SH3BP5L: variants seen among roughly 807,000 people sequenced by gnomAD.
The protein encoded by SH3BP5L is SH3 binding domain protein 5 like, also known as SH3 domain-binding protein 5-like.
In SH3BP5L, 16 loss-of-function variants were observed where a neutral mutation model predicts 40.9. The observed-to-expected ratio is 0.39, with a 90% CI of 0.27 to 0.59. The LOEUF is 0.59. SH3BP5L is among the 20% of genes least tolerant of loss of function. The pLI is 0.53. For synonymous variants in SH3BP5L, 229 were observed against 226.7 expected (o/e 1.01, Z -0.09); for missense variants, 471 against 544.6 (o/e 0.86, Z 1.35).
At chr1:248,814,902 A>G in intron 4 of SH3BP5L, 1 of 500,316 alleles carries the variant, frequency 2.0e-6, no homozygotes, top group Non-Finnish European at 3.8e-6. Flanking sequence ...GGAAAACACA[A>G]ACCATTTTAG....
intron 2 of SH3BP5L, among the ~76,000 whole-genome samples, chr1:248,823,309 G>A (rs1194170520): frequency 6.6e-6 from 1 of 152,220 alleles, no homozygotes. Context: ...GTTTGAGAAA[G>A]AACTGTAGAC....
intron 5 of SH3BP5L, chr1:248,814,122 A>C (rs1376440800): frequency 6.5e-6 from 2 of 305,408 alleles, no homozygotes; most frequent in Non-Finnish European, 1.2e-5. Flanking sequence ...TGAAAACAGA[A>C]GCGAGGAGTC....
intron 4 of SH3BP5L, among the ~76,000 whole-genome samples, chr1:248,815,112 A>G (rs1664068522): frequency 6.6e-6 from 1 of 152,188 alleles, no homozygotes; most frequent in Non-Finnish European, 1.5e-5. Flanking sequence ...ATAATAGTAC[A>G]TCTAATATAA....
rs911329129 is a variant in SH3BP5L at position 248,811,213 on chromosome 1, T to G, written c.*687A>C. ...ATGCTCCCTATGTTGACAGTGGGGT[T>G]GGGTTTCTCTCCCTGACACCAGCTT... is the stretch of plus-strand genomic sequence containing the variant. On this transcript the variant is annotated 3_prime_UTR_variant, in exon 7 of 7. Coordinates refer to ENST00000366472, the MANE Select transcript of SH3BP5L (RefSeq NM_030645.3). 10 of 152,362 alleles carry G rather than the reference T, an allele frequency of 6.6e-5. No individual in the cohort carries two copies. The highest frequency in any genetic ancestry group is 1.3e-4 in the Non-Finnish European group (9 of 68,158). 9.4% of individuals were successfully genotyped at this position (152,362 alleles called of 1,614,324 possible). A position where few individuals can be genotyped will look rare whatever the true frequency, so the allele number is the denominator to read the frequency against.
intron 2 of SH3BP5L, among the ~76,000 whole-genome samples, chr1:248,823,440 G>T (rs1664301906): frequency 6.6e-6 from 1 of 150,766 alleles, no homozygotes; most frequent in Non-Finnish European, 1.5e-5. Flanking sequence ...ATAAATCATG[G>T]GGTTGGAGGT....
In SH3BP5L at chr1:248,816,565, G is replaced by C; in HGVS notation, c.344C>G (p.Pro115Arg). 6.2e-7 allele frequency: 1 copy of C among 1,614,154 alleles called. No individual in the cohort carries two copies. The highest frequency in any genetic ancestry group is 8.5e-7 in the Non-Finnish European group (1 of 1,180,032). ...AGCCAGCCGCCGAGCCTCATAGTAG[G>C]GCCGGGCTTTCTCGATGCAGCTCCC... ...HLGSCIEKAR[P>R]YYEARRLAKE... Residue 115 changes from proline to arginine, a missense_variant, in exon 4 of 7, where the codon CCC becomes CGC. Physicochemically the swap from Pro to Arg is moderately radical, Grantham distance 103. Transcript: ENST00000366472.
rs550227503 is a variant in SH3BP5L, at chr1:248,811,747, A to G, written c.*153T>C. ...AGGCTGTGAGAACGCCAGGGCAGGC[A>G]CAGAGGACTCGAACACAGCTGGCCT... On this transcript the variant is annotated 3_prime_UTR_variant, in exon 7 of 7. Coordinates refer to ENST00000366472, the MANE Select transcript of SH3BP5L (RefSeq NM_030645.3). 1.2e-4 allele frequency: 75 copies of G among 620,104 alleles called. 1 individual carries two copies. In the South Asian group the frequency reaches 1.5e-3, roughly 12 times the overall value. The allele number at this position is 620,104 out of a possible 1,614,324, so 38.4% of individuals were successfully genotyped here. A position where few individuals can be genotyped will look rare whatever the true frequency, so the allele number is the denominator to read the frequency against.
In SH3BP5L at chr1:248,825,156, T is replaced by G. The variant is rs1664344807; in HGVS notation, c.-221A>C. 7.6e-7 allele frequency: 1 copy of G among 1,323,684 alleles called. No individual in the cohort carries two copies. Among genetic ancestry groups the G allele is most frequent in the African/African-American group, 1.5e-5 (1 of 66,774 alleles). 82.0% of individuals were successfully genotyped at this position (1,323,684 alleles called of 1,614,324 possible). A position where few individuals can be genotyped will look rare whatever the true frequency, so the allele number is the denominator to read the frequency against. ...AGCTGAAGCCTTGTCTGTGCAAAAG[T>G]TCTTCCCTTCCCGCCACAGGGAGTC... On this transcript the variant is annotated 5_prime_UTR_variant, in exon 2 of 7. Transcript: ENST00000366472.
Position 248,821,579 on chromosome 1 carries a change from G to A in SH3BP5L, c.183+3174C>T, listed in dbSNP as rs565376225. Among the ~76,000 whole-genome samples, 1 of 152,070 alleles carries A rather than the reference G, an allele frequency of 6.6e-6. No individual in the cohort carries two copies. Among genetic ancestry groups the A allele is most frequent in the African/African-American group, 2.4e-5 (1 of 41,400 alleles). On this transcript the variant is annotated intron_variant, in intron 2 of 6. Transcript: ENST00000366472. This position sits in a 1 kb window ranked among gnomAD's most constrained non-coding sequence, Gnocchi z 4.6. ...AGTTTGGAAAGGAGCAGGTAAACGA[G>A]AGCACTCACATCTGAGGAAAGAATG...
intron 4 of SH3BP5L, 81 bp downstream of exon 4, chr1:248,816,453 C>T (rs1664107161): frequency 6.3e-7 from 1 of 1,579,086 alleles, no homozygotes; most frequent in Non-Finnish European, 8.6e-7. Context: ...GGTGTTTTGT[C>T]TCTCACTCCA....
chr1:248,820,925 C>T (rs913297960), intron 2 of SH3BP5L: 15 of 152,194 alleles, frequency 9.9e-5, no homozygotes, highest in African/African-American at 3.6e-4. Flanking sequence ...GTTAAAAGGA[C>T]AAGAAGAGCT....
At position 248,821,576 on chromosome 1, in the gene SH3BP5L, C is replaced by G. The variant is rs12405503; in HGVS notation, c.183+3177G>C. ...GAGAGTTTGGAAAGGAGCAGGTAAA[C>G]GAGAGCACTCACATCTGAGGAAAGA... On this transcript the variant is annotated intron_variant, in intron 2 of 6. Coordinates refer to ENST00000366472, the MANE Select transcript of SH3BP5L (RefSeq NM_030645.3). This position sits in a 1 kb window ranked among gnomAD's most constrained non-coding sequence, Gnocchi z 4.6. Among the ~76,000 whole-genome samples the G allele has an allele frequency of 0.099, 15,073 of 152,046 alleles. 1,384 individuals are homozygous for G. The highest frequency in any genetic ancestry group is 0.22 in the African/African-American group (9,264 of 41,424).
chr1:248,812,994 G>A lies in SH3BP5L; in HGVS notation c.706C>T (p.Leu236=), dbSNP rs769283474. The change falls in exon 6 of 7, where the codon CTG becomes TTG. Residue 236 remains leucine (L), a synonymous_variant. Transcript: ENST00000366472. The surrounding 1 kb of genome is among the most constrained non-coding windows in gnomAD (Gnocchi z 6.1). ...FELKAQFSQI[L]EEHKAKVTEL... is the part of the protein sequence containing the mutation. The stretch of plus-strand genomic sequence containing the variant: ...CCCCTCACCCACTCAGCTACCTCCA[G>A]GATCTGGCTGAACTGGGCCTTGAGC... 1.9e-6 allele frequency: 3 copies of A among 1,584,130 alleles called. No homozygotes were observed. In the African/African-American group the frequency reaches 4.0e-5, roughly 21 times the overall value.
intron 2 of SH3BP5L, 158 bp from the exon 3 acceptor site, chr1:248,817,042 G>A: frequency 6.5e-7 from 1 of 1,540,606 alleles, no homozygotes; most frequent in South Asian, 1.2e-5. Context: ...ATTGCCAAAA[G>A]CTTTCTTGTC....
At chr1:248,817,869 A>G (rs1268523307) in intron 2 of SH3BP5L, among the ~76,000 whole-genome samples, 3 of 152,280 alleles carry the variant, frequency 2.0e-5, no homozygotes, top group African/African-American at 7.2e-5. Flanking sequence ...ATAAAGTGCC[A>G]GTGAAGAACA....
In SH3BP5L at chr1:248,825,261, G is replaced by T; in HGVS notation, c.-326C>A. 9.3e-7 allele frequency: 1 copy of T among 1,070,864 alleles called. No individual in the cohort carries two copies. 66.3% of individuals were successfully genotyped at this position (1,070,864 alleles called of 1,614,324 possible). A position where few individuals can be genotyped will look rare whatever the true frequency, so the allele number is the denominator to read the frequency against. ...ATCCTGGACCGAGGCCTGCTAGGAG[G>T]AGCACCATTCGGGAGGGTGGAGGCA... is the stretch of plus-strand genomic sequence containing the variant. On this transcript the variant is annotated 5_prime_UTR_variant, in exon 2 of 7. Coordinates refer to ENST00000366472, the MANE Select transcript of SH3BP5L (RefSeq NM_030645.3).
intron 2 of SH3BP5L, among the ~76,000 whole-genome samples, chr1:248,823,382 G>A (rs1372099142): frequency 6.7e-6 from 1 of 149,648 alleles, no homozygotes; most frequent in Non-Finnish European, 1.5e-5. Context: ...TCACTTTACA[G>A]ATGAAGAAAC....
intron 5 of SH3BP5L, 42 bp downstream of exon 5, chr1:248,814,407 C>G (rs762762934): frequency 1.1e-5 from 17 of 1,607,914 alleles, no homozygotes; most frequent in Non-Finnish European, 1.2e-5. Flanking sequence ...AAAGGATGGA[C>G]GAGAACCAGC....
At position 248,816,832 on chromosome 1, in the gene SH3BP5L, A is replaced by C; in HGVS notation, c.236T>G (p.Leu79Arg). 1 of 1,614,208 alleles carries C rather than the reference A, an allele frequency of 6.2e-7. No individual in the cohort carries two copies. Among genetic ancestry groups the C allele is most frequent in the South Asian group, 1.1e-5 (1 of 91,090 alleles). The stretch of plus-strand genomic sequence containing the variant: ...GAAAAGGACACTCACATCCAGCTGT[A>C]GTTCCACCTGGTTGATCTCCTCGCT... Reference protein sequence around the residue: ...QASEEINQVELQLDEARTTYR... With the variant: ...QASEEINQVERQLDEARTTYR... Residue 79 changes from leucine to arginine, a missense_variant, in exon 3 of 7, where the codon CTA (leucine) becomes CGA (arginine). Leu to Arg is a moderately radical substitution (Grantham distance 102). Transcript: ENST00000366472.
Sources: gnomAD v4.1 joint callset for allele counts (sites outside exome capture counted in the v4.1 genomes callset) on GRCh38, gnomAD v4.1.1 for gene constraint, Gnocchi (gnomAD v3.1) non-coding constraint, MANE v1.5 for transcripts, NCBI Gene and HGNC (gene_info 2026-07-23, HGNC 2026-07-21) for gene names.